Variants in LURAP1 observed in about 807,000 individuals in gnomAD.
The protein encoded by LURAP1 is leucine rich adaptor protein 1.
LURAP1 carries 14 observed loss-of-function variants against 19.0 expected under a neutral mutation model. That is an observed-to-expected ratio of 0.74 (90% CI 0.49 to 1.15). The LOEUF (loss-of-function observed/expected upper bound fraction) is 1.15. LURAP1 is among the 50% of genes most tolerant of loss of function. LURAP1 has a pLI of 0.00. For synonymous variants in LURAP1, 129 were observed against 131.8 expected (o/e 0.98, Z 0.14); for missense variants, 273 against 309.1 (o/e 0.88, Z 0.87).
chr1:46,219,814 G>T lies in LURAP1; in HGVS notation c.314G>T (p.Ser105Ile). The change falls in exon 2 of 2, where the codon AGC (serine) becomes ATC (isoleucine). Residue 105 changes from serine (S) to isoleucine (I), a missense_variant. Physicochemically the swap from Ser to Ile is moderately radical, Grantham distance 142. Transcript: ENST00000371980. The stretch of plus-strand genomic sequence containing the variant: ...CGGGGGACGTTGACCAGTCATTGCA[G>T]CAGCCTCACCAGCAGTCAATATAGC... ...EERGTLTSHC[S>I]SLTSSQYSLT... 2 of 1,614,208 alleles carry T rather than the reference G, an allele frequency of 1.2e-6. No homozygotes were observed. Among genetic ancestry groups the T allele is most frequent in the Non-Finnish European group, 1.7e-6 (2 of 1,180,030 alleles).
rs10047087 is a variant in LURAP1 at position 46,217,680 on chromosome 1, T to C, written c.199-2019T>C. On this transcript the variant is annotated intron_variant, in intron 1 of 1. Coordinates refer to ENST00000371980, the MANE Select transcript of LURAP1 (RefSeq NM_001013615.3). ...GAGACCAGCCTGGCTAACCTGGTGATGCCCTGTCTCTACTAAAAATACAAA... is the reference window on the plus strand; with the variant it reads ...GAGACCAGCCTGGCTAACCTGGTGACGCCCTGTCTCTACTAAAAATACAAA... 8.2e-3 allele frequency among the ~76,000 whole-genome samples: 1,248 copies of C among 152,052 alleles called. 17 individuals carry two copies. The highest frequency in any genetic ancestry group is 0.034 in the Middle Eastern group (10 of 294).
At chr1:46,208,460 G>C (rs1206993467) in intron 1 of LURAP1, among the ~76,000 whole-genome samples, 5 of 152,088 alleles carry the variant, frequency 3.3e-5, no homozygotes, top group Admixed American at 3.3e-4. Context: ...ATTCCATCTC[G>C]AGGAAGGGCA....
intron 1 of LURAP1, among the ~76,000 whole-genome samples, chr1:46,217,681 G>A (rs912833924): frequency 2.0e-4 from 31 of 151,888 alleles, no homozygotes; most frequent in African/African-American, 7.3e-4. Context: ...ACCTGGTGAT[G>A]CCCTGTCTCT....
At chr1:46,203,877 T>C (rs2148234337) in intron 1 of LURAP1, among the ~76,000 whole-genome samples, 1 of 152,186 alleles carries the variant, frequency 6.6e-6, no homozygotes, top group East Asian at 1.9e-4. Context: ...TTGGAAGTTA[T>C]TCCTGCCAAA....
chr1:46,219,913 G>A lies in LURAP1; in HGVS notation c.413G>A (p.Arg138Gln), dbSNP rs202037410. ...DSLPDTSTTD[R>Q]LDSVSIGSFL... ...CTGCCAGACACCAGCACCACCGACC[G>A]GCTGGACAGTGTCTCTATTGGCAGC... The change falls in exon 2 of 2, where the codon CGG becomes CAG. Residue 138 changes from arginine (R) to glutamine (Q), a missense_variant. By Grantham distance (43) the Arg-to-Gln change is conservative (BLOSUM62 1). Coordinates refer to ENST00000371980, the MANE Select transcript of LURAP1 (RefSeq NM_001013615.3). 236 of 1,614,030 alleles carry A rather than the reference G, an allele frequency of 1.5e-4. No individual in the cohort carries two copies. The highest frequency in any genetic ancestry group is 1.6e-4 in the Middle Eastern group (1 of 6,084).
chr1:46,209,604 G>A (rs1223391605), intron 1 of LURAP1, among the ~76,000 whole-genome samples: 1 of 150,250 alleles, frequency 6.7e-6, no homozygotes, highest in East Asian at 2.0e-4. Flanking sequence ...GAGTGCAGTG[G>A]CCCAATCTCA....
chr1:46,206,201 T>G (rs1335345952), intron 1 of LURAP1, among the ~76,000 whole-genome samples: 1 of 152,220 alleles, frequency 6.6e-6, no homozygotes, highest in Non-Finnish European at 1.5e-5. Flanking sequence ...TGGCTCTGCT[T>G]CTGAAACGTT....
rs1422841973 is a variant in LURAP1 at position 46,203,372 on chromosome 1, C to A, written c.-55C>A. The A allele has an allele frequency of 7.0e-7, 1 of 1,426,562 alleles. No homozygotes were observed. The highest frequency in any genetic ancestry group is 2.7e-5 in the East Asian group (1 of 36,706). The allele number at this position is 1,426,562 out of a possible 1,614,324, so 88.4% of individuals were successfully genotyped here. A position where few individuals can be genotyped will look rare whatever the true frequency, so the allele number is the denominator to read the frequency against. On this transcript the variant is annotated 5_prime_UTR_variant, in exon 1 of 2. Transcript: ENST00000371980. ...TTTAGCAGCGGCGAAGGGAGGACCCCCGGGAGCCGGTCCCCGGCGTCCGGT... is the reference window on the plus strand; with the variant it reads ...TTTAGCAGCGGCGAAGGGAGGACCCACGGGAGCCGGTCCCCGGCGTCCGGT...
intron 1 of LURAP1, among the ~76,000 whole-genome samples, chr1:46,213,478 A>G (rs951033536): frequency 2.0e-5 from 3 of 151,848 alleles, no homozygotes; most frequent in African/African-American, 4.8e-5. Context: ...TACGTGACAA[A>G]TGACTTTATA....
At chr1:46,219,402 C>T (rs1459268779) in intron 1 of LURAP1, among the ~76,000 whole-genome samples, 1 of 152,078 alleles carries the variant, frequency 6.6e-6, no homozygotes, top group African/African-American at 2.4e-5. Flanking sequence ...AGGCACTGTG[C>T]TGAGTACTTA....
intron 1 of LURAP1, among the ~76,000 whole-genome samples, chr1:46,205,507 A>AG (rs1557682659): frequency 1.3e-5 from 2 of 152,216 alleles, no homozygotes; most frequent in Admixed American, 1.3e-4. Flanking sequence ...CTCCCATCTT[A>AG]CAGATAAAAC....
chr1:46,206,845 G>GGT (rs1193208804), intron 1 of LURAP1, among the ~76,000 whole-genome samples: 2 of 152,214 alleles, frequency 1.3e-5, no homozygotes, highest in African/African-American at 4.8e-5. Context: ...GGATTGGGCA[G>GGT]GATCTGCTCT....
chr1:46,207,600 G>A (rs1196786953), intron 1 of LURAP1, among the ~76,000 whole-genome samples: 11 of 150,880 alleles, frequency 7.3e-5, no homozygotes, highest in Non-Finnish European at 1.3e-4. Context: ...GTGCAGTGGT[G>A]CGATCTCGGC....
chr1:46,208,485 G>A (rs1408928049), intron 1 of LURAP1, among the ~76,000 whole-genome samples: 19 of 152,114 alleles, frequency 1.2e-4, no homozygotes, highest in Admixed American at 8.5e-4. Flanking sequence ...AGACTTCCTC[G>A]AGGAGGTGAC....
chr1:46,211,635 C>G (rs759138917), intron 1 of LURAP1, among the ~76,000 whole-genome samples: 8 of 152,008 alleles, frequency 5.3e-5, no homozygotes, highest in Admixed American at 1.3e-4. Flanking sequence ...TAGATAGTAC[C>G]TCATATTATA....
In LURAP1 at chr1:46,220,030, G is replaced by A. The variant is rs1471744115; in HGVS notation, c.530G>A (p.Gly177Asp). ...ATGGACTGGGCAAAAGTTATAGCTG[G>A]TGGAGAGAGGGCCAGGACTGAGGTG... is the stretch of plus-strand genomic sequence containing the variant. ...SEMDWAKVIA[G>D]GERARTEVDV... The change falls in exon 2 of 2, where the codon GGT (glycine) becomes GAT (aspartate). Residue 177 changes from glycine to aspartate, a missense_variant. Coordinates refer to ENST00000371980, the MANE Select transcript of LURAP1 (RefSeq NM_001013615.3). The A allele has an allele frequency of 1.1e-5, 18 of 1,614,256 alleles. No homozygotes were observed. Among genetic ancestry groups the A allele is most frequent in the Middle Eastern group, 1.6e-4 (1 of 6,062 alleles).
At chr1:46,213,226 A>G (rs1452115580) in intron 1 of LURAP1, among the ~76,000 whole-genome samples, 2 of 151,632 alleles carry the variant, frequency 1.3e-5, no homozygotes, top group Non-Finnish European at 2.9e-5. Context: ...AGCATATACC[A>G]TAGTGATTTC....
intron 1 of LURAP1, among the ~76,000 whole-genome samples, chr1:46,206,125 A>G (rs573922368): frequency 3.9e-5 from 6 of 152,290 alleles, no homozygotes; most frequent in Admixed American, 1.3e-4. Flanking sequence ...TGCTATGACA[A>G]CCCACCTCCA....
At position 46,203,370 on chromosome 1, in the gene LURAP1, C is replaced by T. The variant is rs1273971810; in HGVS notation, c.-57C>T. 2 of 1,416,154 alleles carry T rather than the reference C, an allele frequency of 1.4e-6. No homozygotes were observed. Among genetic ancestry groups the T allele is most frequent in the East Asian group, 2.7e-5 (1 of 36,614 alleles). The allele number at this position is 1,416,154 out of a possible 1,614,324, so 87.7% of individuals were successfully genotyped here. ...GCTTTAGCAGCGGCGAAGGGAGGAC[C>T]CCCGGGAGCCGGTCCCCGGCGTCCG... On this transcript the variant is annotated 5_prime_UTR_variant, in exon 1 of 2. Transcript: ENST00000371980.
Sources: gnomAD v4.1 joint callset for allele counts (sites outside exome capture counted in the v4.1 genomes callset) on GRCh38, gnomAD v4.1.1 for gene constraint, MANE v1.5 for transcripts, NCBI Gene and HGNC (gene_info 2026-07-23, HGNC 2026-07-21) for gene names.